The following SLC18B1 variants were observed in gnomAD, a reference collection of about 807,000 sequenced individuals.
SLC18B1 encodes solute carrier family 18 member B1, also known as MFS-type transporter SLC18B1.
In SLC18B1, 62 loss-of-function variants were observed where a neutral mutation model predicts 53.9. That is an observed-to-expected ratio of 1.15 (90% CI 0.94 to 1.42). SLC18B1 has a LOEUF of 1.42. SLC18B1 is among the 40% of genes most tolerant of loss of function. The pLI is 0.00. For synonymous variants in SLC18B1, 217 were observed against 200.9 expected, an observed-to-expected ratio of 1.08 and a Z score of -0.68; for missense variants, 598 against 547.3, an observed-to-expected ratio of 1.09 and a Z score of -0.93.
At chr6:132,774,978 A>G (rs1283460022) in intron 8 of SLC18B1, among the ~76,000 whole-genome samples, 2 of 152,198 alleles carry the variant, frequency 1.3e-5, no homozygotes, top group East Asian at 3.8e-4. Flanking sequence ...GAAAAATCAC[A>G]TTATTAAAAA....
intron 2 of SLC18B1, among the ~76,000 whole-genome samples, chr6:132,792,746 A>G (rs1238702796): frequency 2.0e-5 from 3 of 152,218 alleles, no homozygotes; most frequent in Non-Finnish European, 4.4e-5. Context: ...TGCTAGAACC[A>G]CATGCTACAG....
chr6:132,787,339 C>G, intron 5 of SLC18B1, 95 bp downstream of exon 5: 1 of 1,228,064 alleles, frequency 8.1e-7, no homozygotes, highest in South Asian at 1.9e-5. Context: ...TAGAGAAATG[C>G]AAGTATAGAA....
At chr6:132,788,968 C>T (rs1241982807) in intron 4 of SLC18B1, among the ~76,000 whole-genome samples, 2 of 151,156 alleles carry the variant, frequency 1.3e-5, no homozygotes, top group East Asian at 3.9e-4. Flanking sequence ...ATAAACGACC[C>T]TTCCAAAAAA....
intron 11 of SLC18B1, 41 bp downstream of exon 11, chr6:132,772,090 CT>C: frequency 7.8e-7 from 1 of 1,284,896 alleles, no homozygotes; most frequent in Non-Finnish European, 1.1e-6. Context: ...GAAACTCCAT[CT>C]CAAAAAAAAA....
At chr6:132,773,290 G>T (rs1781021981) in intron 9 of SLC18B1, among the ~76,000 whole-genome samples, 1 of 122,582 alleles carries the variant, frequency 8.2e-6, no homozygotes, top group African/African-American at 3.1e-5. Flanking sequence ...GGGCGGGGGG[G>T]TGGGGGGGAA....
intron 2 of SLC18B1, among the ~76,000 whole-genome samples, chr6:132,791,785 CAA>C (rs1239246107): frequency 2.0e-5 from 3 of 152,032 alleles, no homozygotes; most frequent in African/African-American, 4.8e-5. Context: ...GGTGTGGATA[CAA>C]GAGAGAGTTC....
intron 1 of SLC18B1, 147 bp from the exon 2 acceptor site, chr6:132,797,268 T>C: frequency 9.8e-7 from 1 of 1,017,790 alleles, no homozygotes; most frequent in East Asian, 2.6e-5. Flanking sequence ...TTTGATCAAA[T>C]GGAACACAAT....
chr6:132,770,852 T>C, intron 13 of SLC18B1, 38 bp downstream of exon 13: 1 of 1,576,944 alleles, frequency 6.3e-7, no homozygotes, highest in Non-Finnish European at 8.6e-7. Context: ...ACTGGCTAAC[T>C]TTTAAAGAGA....
chr6:132,787,441 G>A lies in SLC18B1; in HGVS notation c.494C>T (p.Thr165Met), dbSNP rs757737599. Reference protein sequence around the residue: ...LAKAFPNNVATVLGSLETFSG... With the variant: ...LAKAFPNNVAMVLGSLETFSG... The stretch of plus-strand genomic sequence containing the variant: ...TACTTCTAAAATACATACCAATACC[G>A]TAGCCACGTTATTTGGAAAAGCCTT... The change falls in exon 5 of 14, where the codon ACG becomes ATG. Residue 165 changes from threonine to methionine, a missense_variant. Coordinates refer to ENST00000275227, the MANE Select transcript of SLC18B1 (RefSeq NM_052831.3). 1.5e-5 allele frequency: 24 copies of A among 1,594,310 alleles called. No homozygotes were observed. The highest frequency in any genetic ancestry group is 1.3e-4 in the East Asian group (6 of 44,450).
At chr6:132,781,498 T>C (rs945987465) in intron 6 of SLC18B1, among the ~76,000 whole-genome samples, 5 of 151,954 alleles carry the variant, frequency 3.3e-5, no homozygotes, top group African/African-American at 1.2e-4. Flanking sequence ...GTGGCTCACA[T>C]CTGTAATCCC....
chr6:132,774,919 G>A (rs1344733352), intron 8 of SLC18B1, among the ~76,000 whole-genome samples: 1 of 151,788 alleles, frequency 6.6e-6, no homozygotes, highest in Non-Finnish European at 1.5e-5. Context: ...TCAAAAAAAA[G>A]CAGTGACCAC....
At chr6:132,775,824 C>T (rs1181867023) in intron 8 of SLC18B1, among the ~76,000 whole-genome samples, 1 of 152,188 alleles carries the variant, frequency 6.6e-6, no homozygotes, top group Non-Finnish European at 1.5e-5. Context: ...TCAATTTGAT[C>T]AAGTCCACAG....
rs370761717 is a variant in SLC18B1, at chr6:132,772,976, C to A, written c.1085+17G>T. The A allele has an allele frequency of 2.3e-5, 36 of 1,580,400 alleles. No individual in the cohort carries two copies. Among genetic ancestry groups the A allele is most frequent in the Non-Finnish European group, 3.0e-5 (34 of 1,149,864 alleles). On this transcript the variant is annotated intron_variant, in intron 10 of 13. Transcript: ENST00000275227. ...CTTATTCACAATACAGCTCTTCAAG[C>A]AATGGAAGTAACTTACTGTGCACAA...
intron 5 of SLC18B1, 100 bp downstream of exon 5, chr6:132,787,334 A>G (rs1781402030): frequency 1.7e-6 from 2 of 1,188,990 alleles, no homozygotes; most frequent in Admixed American, 2.9e-5. Flanking sequence ...GAGAGTAGAG[A>G]AATGCAAGTA....
At chr6:132,788,021 T>G (rs1781425296) in intron 4 of SLC18B1, among the ~76,000 whole-genome samples, 1 of 151,606 alleles carries the variant, frequency 6.6e-6, no homozygotes, top group African/African-American at 2.4e-5. Flanking sequence ...ATTAGCCAGG[T>G]GTGGTGGTGG....
intron 5 of SLC18B1, among the ~76,000 whole-genome samples, chr6:132,787,196 C>A (rs1181698182): frequency 6.6e-6 from 1 of 152,098 alleles, no homozygotes; most frequent in African/African-American, 2.4e-5. Context: ...ATTTGGACCA[C>A]ATTTACCTGT....
intron 13 of SLC18B1, among the ~76,000 whole-genome samples, chr6:132,770,601 T>C (rs1449148036): frequency 6.6e-6 from 1 of 152,096 alleles, no homozygotes; most frequent in Non-Finnish European, 1.5e-5. Flanking sequence ...CTGGGCATGG[T>C]GACCCATGCC....
intron 4 of SLC18B1, among the ~76,000 whole-genome samples, chr6:132,789,279 T>C (rs1266176472): frequency 2.0e-5 from 3 of 152,328 alleles, no homozygotes; most frequent in East Asian, 1.9e-4. Context: ...CTTCATTCTG[T>C]GACTCTAATA....
intron 2 of SLC18B1, among the ~76,000 whole-genome samples, chr6:132,794,444 G>T (rs1214986901): frequency 6.6e-6 from 1 of 151,908 alleles, no homozygotes; most frequent in Non-Finnish European, 1.5e-5. Context: ...CCCAAGTCTG[G>T]CCAGACTGCT....
Sources: gnomAD v4.1 joint callset for allele counts (sites outside exome capture counted in the v4.1 genomes callset) on GRCh38, gnomAD v4.1.1 for gene constraint, MANE v1.5 for transcripts, NCBI Gene and HGNC (gene_info 2026-07-23, HGNC 2026-07-21) for gene names.